The following SLC6A6 variants were observed in gnomAD, a reference collection of about 807,000 sequenced individuals.
The protein encoded by SLC6A6 is sodium- and chloride-dependent taurine transporter.
In SLC6A6, 16 loss-of-function variants were observed where a neutral mutation model predicts 68.8. That is an observed-to-expected ratio of 0.23 (90% CI 0.16 to 0.35). The LOEUF (loss-of-function observed/expected upper bound fraction) is 0.35. Among genes scored for constraint, SLC6A6 ranks in the 10% least tolerant of loss-of-function variants. SLC6A6 has a pLI of 1.00. For synonymous variants in SLC6A6, 312 were observed against 315.4 expected (o/e 0.99, Z 0.12); for missense variants, 474 against 802.8 (o/e 0.59, Z 4.95).
At chr3:14,403,876 T>C (rs1699044965) in intron 1 of SLC6A6, among the ~76,000 whole-genome samples, 4 of 152,158 alleles carry the variant, frequency 2.6e-5, no homozygotes, top group Admixed American at 1.3e-4. Context: ...TGTGGGCAGC[T>C]CTCCCAGGCA....
intron 2 of SLC6A6, among the ~76,000 whole-genome samples, chr3:14,440,456 A>C (rs1207660721): frequency 6.6e-6 from 1 of 151,768 alleles, no homozygotes; most frequent in Non-Finnish European, 1.5e-5. Context: ...GGGGAGAGGG[A>C]AGATGGGGCC....
intron 6 of SLC6A6, among the ~76,000 whole-genome samples, chr3:14,461,017 A>G (rs1037113631): frequency 2.6e-5 from 4 of 152,216 alleles, no homozygotes; most frequent in African/African-American, 9.6e-5. Context: ...TTGGAGGGTA[A>G]TGGAGGGAGA....
intron 3 of SLC6A6, 110 bp downstream of exon 3, chr3:14,443,973 C>G (rs763569966): frequency 9.6e-6 from 7 of 730,068 alleles, no homozygotes; most frequent in South Asian, 5.0e-5. Flanking sequence ...TCCCTGGCCC[C>G]CCCCCTTGAC....
chr3:14,415,007 C>T lies in SLC6A6; in HGVS notation c.-53-1405C>T, dbSNP rs566199273. ...GTATGGTCTAGGATAGCAAGGTTTA[C>T]GTTGCTACTTCCACCACCCAAACCC... is the stretch of plus-strand genomic sequence containing the variant. On this transcript the variant is annotated intron_variant, in intron 1 of 14. Transcript: ENST00000622186. Among the ~76,000 whole-genome samples, 10 of 152,348 alleles carry T rather than the reference C, an allele frequency of 6.6e-5. No individual in the cohort carries two copies. In the East Asian group the frequency reaches 1.5e-3, roughly 24 times the overall value.
intron 2 of SLC6A6, among the ~76,000 whole-genome samples, chr3:14,420,009 A>G (rs1699451865): frequency 6.6e-6 from 1 of 152,240 alleles, no homozygotes; most frequent in Admixed American, 6.5e-5. Flanking sequence ...TAACAGGCCC[A>G]TGACTTCCAG....
At chr3:14,435,583 C>A (rs1226726290) in intron 2 of SLC6A6, among the ~76,000 whole-genome samples, 9 of 152,230 alleles carry the variant, frequency 5.9e-5, no homozygotes, top group Admixed American at 5.2e-4. Flanking sequence ...CCTGGATGAC[C>A]TCACCGGGAC....
intron 6 of SLC6A6, among the ~76,000 whole-genome samples, chr3:14,459,197 G>A (rs562362508): frequency 8.5e-5 from 13 of 152,300 alleles, no homozygotes; most frequent in African/African-American, 2.6e-4. Context: ...AAGAGGGAAC[G>A]TCTCTTTAAG....
At chr3:14,436,531 C>CTTTT (rs58996264) in intron 2 of SLC6A6, among the ~76,000 whole-genome samples, 79 of 112,512 alleles carry the variant, frequency 7.0e-4, no homozygotes, top group East Asian at 3.3e-3. Flanking sequence ...CAACAACTCC[C>CTTTT]TTTTTTTTTT....
At chr3:14,439,986 G>A (rs1699944317) in intron 2 of SLC6A6, among the ~76,000 whole-genome samples, 1 of 152,172 alleles carries the variant, frequency 6.6e-6, no homozygotes, top group East Asian at 1.9e-4. Flanking sequence ...TCACCCTGGG[G>A]AGGATGAAGG....
At chr3:14,478,384 T>TTGATA (rs1700931005) in intron 11 of SLC6A6, 82 bp from the exon 12 acceptor site, 5 of 793,738 alleles carry the variant, frequency 6.3e-6, no homozygotes, top group Non-Finnish European at 1.1e-5. Flanking sequence ...TTTAATCTTA[T>TTGATA]TGATATGCCA....
In SLC6A6 at chr3:14,472,190, T is replaced by C; in HGVS notation, c.1097-15T>C. On this transcript the variant is annotated splice_polypyrimidine_tract_variant and intron_variant, in intron 9 of 14. Transcript: ENST00000622186. This position sits in a 1 kb window ranked among gnomAD's most constrained non-coding sequence, Gnocchi z 4.5. ...CTCCTCCCCTGTGCCCCTCCCCGTT[T>C]TCTTTCCTTTCTAGGTCCTGGCCTG... The C allele has an allele frequency of 6.4e-7, 1 of 1,558,862 alleles. No individual in the cohort carries two copies. The highest frequency in any genetic ancestry group is 2.2e-5 in the East Asian group (1 of 44,590).
chr3:14,471,820 C>T (rs1345350781), intron 9 of SLC6A6, among the ~76,000 whole-genome samples: 8 of 152,244 alleles, frequency 5.3e-5, no homozygotes, highest in Admixed American at 5.2e-4. Flanking sequence ...CACCACCACG[C>T]TCCCCCGCCT....
chr3:14,439,393 A>G (rs1262887027), intron 2 of SLC6A6, among the ~76,000 whole-genome samples: 1 of 152,240 alleles, frequency 6.6e-6, no homozygotes, highest in African/African-American at 2.4e-5. Flanking sequence ...GTGGCAAGCC[A>G]TGGCATCGCT....
rs75031860 is a variant in SLC6A6, at chr3:14,424,576, C to G, written c.-12+8123C>G. 8.6e-3 allele frequency among the ~76,000 whole-genome samples: 1,315 copies of G among 152,188 alleles called. 13 individuals are homozygous for G. The highest frequency in any genetic ancestry group is 0.043 in the East Asian group (222 of 5,156). On this transcript the variant is annotated intron_variant, in intron 2 of 14. Coordinates refer to ENST00000622186, the MANE Select transcript of SLC6A6 (RefSeq NM_003043.6). Reference sequence around the variant, plus strand: ...CCTGGGGTAGGGGGTGGGGTTGGGTCTGGCTCAGTGGCCTCGGATCTGTTC... The same window carrying G: ...CCTGGGGTAGGGGGTGGGGTTGGGTGTGGCTCAGTGGCCTCGGATCTGTTC...
intron 12 of SLC6A6, 174 bp downstream of exon 12, chr3:14,478,742 G>T: frequency 1.6e-6 from 1 of 618,074 alleles, no homozygotes; most frequent in Non-Finnish European, 2.9e-6. Context: ...TCCTCCTGGT[G>T]CTAAAGGTGT....
chr3:14,429,757 A>G lies in SLC6A6; in HGVS notation c.-12+13304A>G, dbSNP rs139324377. On this transcript the variant is annotated intron_variant, in intron 2 of 14. Transcript: ENST00000622186. The stretch of plus-strand genomic sequence containing the variant: ...TTAGCCAGTGTCTCAGGCAACTCTG[A>G]TGTTCCTCATGTGAGGATTTTGGTC... Among the ~76,000 whole-genome samples the G allele has an allele frequency of 4.0e-3, 603 of 152,276 alleles. 5 individuals carry two copies. Among genetic ancestry groups the G allele is most frequent in the African/African-American group, 0.013 (559 of 41,550 alleles).
At chr3:14,407,684 T>A (rs1206506703) in intron 1 of SLC6A6, among the ~76,000 whole-genome samples, 2 of 152,132 alleles carry the variant, frequency 1.3e-5, no homozygotes, top group Admixed American at 1.3e-4. Flanking sequence ...CTTTTGTATT[T>A]CTTGTAGAGA....
chr3:14,485,240 A>C lies in SLC6A6; in HGVS notation c.*233A>C, dbSNP rs79900815. On this transcript the variant is annotated 3_prime_UTR_variant, in exon 15 of 15. Transcript: ENST00000622186. ...TTTGTACAAAAAGAAAACCCACGGGAAGATGTCCGTGGAGAGGCAGAGCTT... is the reference window on the plus strand; with the variant it reads ...TTTGTACAAAAAGAAAACCCACGGGCAGATGTCCGTGGAGAGGCAGAGCTT... The C allele has an allele frequency of 0.037, 13,935 of 377,490 alleles. 427 individuals carry two copies. Among genetic ancestry groups the C allele is most frequent in the Non-Finnish European group, 0.046 (9,802 of 211,068 alleles). The allele number at this position is 377,490 out of a possible 1,614,324, so 23.4% of individuals were successfully genotyped here. A position where few individuals can be genotyped will look rare whatever the true frequency, so the allele number is the denominator to read the frequency against.
At chr3:14,464,185 G>T (rs1057128926) in intron 6 of SLC6A6, among the ~76,000 whole-genome samples, 1 of 152,208 alleles carries the variant, frequency 6.6e-6, no homozygotes, top group African/African-American at 2.4e-5. Context: ...TGGCAAGCCA[G>T]CCTCTAAGCT....
Sources: gnomAD v4.1 joint callset for allele counts (sites outside exome capture counted in the v4.1 genomes callset) on GRCh38, gnomAD v4.1.1 for gene constraint, Gnocchi (gnomAD v3.1) non-coding constraint, MANE v1.5 for transcripts, NCBI Gene and HGNC (gene_info 2026-07-23, HGNC 2026-07-21) for gene names.